The following PLCB1 variants were observed in gnomAD, a reference collection of about 807,000 sequenced individuals.
The protein encoded by PLCB1 is phospholipase C beta 1, also known as 1-phosphatidylinositol 4,5-bisphosphate phosphodiesterase beta-1.
A neutral mutation model predicts 161.8 loss-of-function variants in PLCB1; 46 were observed. That is an observed-to-expected ratio of 0.28 (90% confidence interval 0.22 to 0.36). The LOEUF is 0.36. PLCB1 is among the 10% of genes least tolerant of loss of function. The pLI is 1.00. For synonymous variants in PLCB1, 517 were observed against 503.7 expected, an observed-to-expected ratio of 1.03 and a Z score of -0.35; for missense variants, 1,016 against 1,472.5, an observed-to-expected ratio of 0.69 and a Z score of 5.07.
intron 2 of PLCB1, among the ~76,000 whole-genome samples, chr20:8,184,094 A>G (rs1035237257): frequency 1.3e-5 from 2 of 152,184 alleles, no homozygotes; most frequent in Admixed American, 6.5e-5. Flanking sequence ...AGATACCTTC[A>G]CCTAGAGACT....
chr20:8,730,968 T>G (rs1024150622), intron 18 of PLCB1, among the ~76,000 whole-genome samples: 6 of 151,888 alleles, frequency 4.0e-5, no homozygotes, highest in Non-Finnish European at 8.8e-5. Context: ...TCCGTTGGAA[T>G]TTTTAGACAC....
At chr20:8,565,760 A>G (rs1290986814) in intron 3 of PLCB1, among the ~76,000 whole-genome samples, 1 of 152,034 alleles carries the variant, frequency 6.6e-6, no homozygotes, top group Non-Finnish European at 1.5e-5. Flanking sequence ...TCAAGAGGAT[A>G]TAGACCCCAG....
At position 8,798,359 on chromosome 20, in the gene PLCB1, C is replaced by T. The variant is rs549893159; in HGVS notation, c.3423+8098C>T. On this transcript the variant is annotated intron_variant, in intron 31 of 31. Coordinates refer to ENST00000338037, the MANE Select transcript of PLCB1 (RefSeq NM_015192.4). Reference sequence around the variant, plus strand: ...AACATCTGTATCAGTCAGGGTTCAACTAGAAAAACAGAGCCAGTAAAAGAT... The same window carrying T: ...AACATCTGTATCAGTCAGGGTTCAATTAGAAAAACAGAGCCAGTAAAAGAT... Among the ~76,000 whole-genome samples the T allele has an allele frequency of 5.3e-5, 8 of 152,228 alleles. No homozygotes were observed. The East Asian group carries it at 1.5e-3, about 29-fold the overall frequency.
At chr20:8,304,873 C>T (rs982434250) in intron 2 of PLCB1, among the ~76,000 whole-genome samples, 27 of 152,106 alleles carry the variant, frequency 1.8e-4, no homozygotes, top group Admixed American at 2.6e-4. Flanking sequence ...ATCCACTATT[C>T]CACACTCTTA....
intron 31 of PLCB1, among the ~76,000 whole-genome samples, chr20:8,867,146 T>C (rs1987456870): frequency 6.6e-6 from 1 of 152,236 alleles, no homozygotes; most frequent in African/African-American, 2.4e-5. Context: ...GCACAGGCTT[T>C]GAGTCGAGAA....
intron 2 of PLCB1, among the ~76,000 whole-genome samples, chr20:8,227,804 A>G (rs530894693): frequency 9.9e-5 from 15 of 152,206 alleles, no homozygotes; most frequent in Non-Finnish European, 2.1e-4. Flanking sequence ...GAGTCCACAT[A>G]AAATATATGG....
At chr20:8,372,829 T>C (rs1325437016) in intron 3 of PLCB1, among the ~76,000 whole-genome samples, 2 of 152,178 alleles carry the variant, frequency 1.3e-5, no homozygotes, top group Non-Finnish European at 2.9e-5. Flanking sequence ...TGAACCTAAG[T>C]TTATTGGCCT....
chr20:8,699,886 A>C (rs1990660977), intron 11 of PLCB1, among the ~76,000 whole-genome samples: 1 of 152,218 alleles, frequency 6.6e-6, no homozygotes, highest in South Asian at 2.1e-4. Flanking sequence ...GTTGACATTA[A>C]TTCTGATCAA....
chr20:8,314,805 G>A (rs1984561583), intron 2 of PLCB1, among the ~76,000 whole-genome samples: 1 of 152,284 alleles, frequency 6.6e-6, no homozygotes, highest in South Asian at 2.1e-4. Flanking sequence ...AGGAAGGGGA[G>A]GTGAGTGACC....
intron 2 of PLCB1, among the ~76,000 whole-genome samples, chr20:8,177,676 G>A (rs1361155506): frequency 6.6e-6 from 1 of 151,982 alleles, no homozygotes; most frequent in Non-Finnish European, 1.5e-5. Context: ...GTTCTGGTAT[G>A]TGATTCAGCT....
intron 2 of PLCB1, among the ~76,000 whole-genome samples, chr20:8,175,056 A>C (rs189902447): frequency 1.7e-4 from 26 of 152,256 alleles, no homozygotes; most frequent in African/African-American, 6.3e-4. Context: ...GTGACAGAGC[A>C]AGACCCCATC....
intron 2 of PLCB1, among the ~76,000 whole-genome samples, chr20:8,343,088 T>A (rs1306809656): frequency 1.3e-5 from 2 of 152,188 alleles, no homozygotes; most frequent in East Asian, 3.9e-4. Context: ...ACTCTCCCTT[T>A]TAGGATATTG....
chr20:8,215,681 C>T (rs896025133), intron 2 of PLCB1, among the ~76,000 whole-genome samples: 8 of 151,982 alleles, frequency 5.3e-5, no homozygotes, highest in African/African-American at 1.9e-4. Context: ...TCATCAGGTG[C>T]TCCGTGACCA....
chr20:8,431,905 A>C (rs147979529), intron 3 of PLCB1, among the ~76,000 whole-genome samples: 1 of 152,096 alleles, frequency 6.6e-6, no homozygotes, highest in African/African-American at 2.4e-5. Flanking sequence ...CAAACATTTC[A>C]GTTTGGAAGG....
intron 2 of PLCB1, among the ~76,000 whole-genome samples, chr20:8,194,440 T>C (rs2052002090): frequency 6.6e-6 from 1 of 152,054 alleles, no homozygotes. Flanking sequence ...CAGCTGAATT[T>C]TTAATATTTC....
chr20:8,753,212 G>A (rs1321464143), intron 23 of PLCB1, among the ~76,000 whole-genome samples: 1 of 152,078 alleles, frequency 6.6e-6, no homozygotes, highest in Non-Finnish European at 1.5e-5. Context: ...ATGGTGAGTT[G>A]TATAATTATT....
chr20:8,404,519 T>C (rs964420804), intron 3 of PLCB1, among the ~76,000 whole-genome samples: 1 of 152,184 alleles, frequency 6.6e-6, no homozygotes, highest in Non-Finnish European at 1.5e-5. Flanking sequence ...CCCTTCTTCC[T>C]TTTTTCTCCC....
intron 31 of PLCB1, among the ~76,000 whole-genome samples, chr20:8,794,538 C>T (rs1264160578): frequency 6.6e-6 from 1 of 152,162 alleles, no homozygotes; most frequent in Non-Finnish European, 1.5e-5. Flanking sequence ...TATGTATAGG[C>T]TACATGACAT....
intron 31 of PLCB1, among the ~76,000 whole-genome samples, chr20:8,864,776 A>G (rs192861188): frequency 6.6e-6 from 1 of 152,306 alleles, no homozygotes; most frequent in African/African-American, 2.4e-5. Flanking sequence ...TGTCACTGGT[A>G]AGATTAGCTG....
Sources: gnomAD v4.1 joint callset for allele counts (sites outside exome capture counted in the v4.1 genomes callset) on GRCh38, gnomAD v4.1.1 for gene constraint, MANE v1.5 for transcripts, NCBI Gene and HGNC (gene_info 2026-07-23, HGNC 2026-07-21) for gene names.